Variants in DNER observed in about 807,000 individuals in gnomAD.
The protein encoded by DNER is delta/notch like EGF repeat containing.
Under a neutral mutation model 78.2 loss-of-function variants are expected in DNER, and 33 were observed. The observed-to-expected ratio is 0.42, with a 90% confidence interval of 0.32 to 0.56. The LOEUF is 0.56. Among genes scored for constraint, DNER ranks in the 20% least tolerant of loss-of-function variants. The probability of loss-of-function intolerance (pLI) is 0.11; values close to 1 mark genes in which losing one functional copy is unlikely to be tolerated. For synonymous variants in DNER, 417 were observed against 384.8 expected, an observed-to-expected ratio of 1.08 and a Z score of -0.98; for missense variants, 918 against 975.3, an observed-to-expected ratio of 0.94 and a Z score of 0.78.
At chr2:229,640,203 G>A (rs1018694822) in intron 1 of DNER, among the ~76,000 whole-genome samples, 6 of 152,332 alleles carry the variant, frequency 3.9e-5, no homozygotes, top group Admixed American at 6.5e-5. Context: ...GTGTGCTTTC[G>A]TGAAGTAAAG....
intron 1 of DNER, among the ~76,000 whole-genome samples, chr2:229,654,369 A>G (rs989431076): frequency 6.6e-6 from 1 of 152,220 alleles, no homozygotes; most frequent in Non-Finnish European, 1.5e-5. Context: ...TTGCGGCACT[A>G]TTCACAATAG....
intron 7 of DNER, among the ~76,000 whole-genome samples, chr2:229,460,100 T>C (rs1694661825): frequency 1.5e-5 from 2 of 129,168 alleles, no homozygotes; most frequent in South Asian, 2.4e-4. Flanking sequence ...GAGCTTGCAG[T>C]GAGCAGAGAT....
intron 1 of DNER, among the ~76,000 whole-genome samples, chr2:229,616,107 T>C (rs932813222): frequency 6.6e-5 from 10 of 152,252 alleles, no homozygotes; most frequent in Non-Finnish European, 1.5e-4. Flanking sequence ...TAAATTAATA[T>C]AATGTGGTAG....
intron 7 of DNER, among the ~76,000 whole-genome samples, chr2:229,464,892 T>A (rs925323851): frequency 6.6e-6 from 1 of 152,156 alleles, no homozygotes; most frequent in African/African-American, 2.4e-5. Context: ...GGTGAATGAA[T>A]GGCTTCCGCC....
intron 1 of DNER, among the ~76,000 whole-genome samples, chr2:229,614,161 A>G (rs1698108209): frequency 6.6e-6 from 1 of 151,946 alleles, no homozygotes; most frequent in Non-Finnish European, 1.5e-5. Context: ...CATGTACCCT[A>G]AAACTTAAAG....
chr2:229,673,991 C>T (rs1699255791), intron 1 of DNER, among the ~76,000 whole-genome samples: 1 of 152,220 alleles, frequency 6.6e-6, no homozygotes, highest in Admixed American at 6.5e-5. Flanking sequence ...CCTTGCAGGT[C>T]ACTGCACACT....
intron 1 of DNER, among the ~76,000 whole-genome samples, chr2:229,673,475 T>C (rs1699245775): frequency 6.6e-6 from 1 of 152,158 alleles, no homozygotes; most frequent in Admixed American, 6.5e-5. Context: ...ATATACCTTG[T>C]TCTTCAGAGT....
intron 1 of DNER, among the ~76,000 whole-genome samples, chr2:229,687,164 A>C (rs1485236479): frequency 6.6e-6 from 1 of 152,192 alleles, no homozygotes; most frequent in East Asian, 1.9e-4. Context: ...TTATTTAAAC[A>C]TTCTCCTATT....
chr2:229,646,116 T>C (rs1232767930), intron 1 of DNER, among the ~76,000 whole-genome samples: 1 of 152,210 alleles, frequency 6.6e-6, no homozygotes, highest in Non-Finnish European at 1.5e-5. Flanking sequence ...TTTCTCTCCT[T>C]TCCATGCCTT....
intron 12 of DNER, among the ~76,000 whole-genome samples, chr2:229,365,190 G>A (rs1387347783): frequency 6.6e-6 from 1 of 152,142 alleles, no homozygotes; most frequent in Non-Finnish European, 1.5e-5. Context: ...AAATCTCAGT[G>A]AAGAAGGGCA....
chr2:229,581,423 A>G (rs1423537716), intron 4 of DNER, among the ~76,000 whole-genome samples: 2 of 152,172 alleles, frequency 1.3e-5, no homozygotes, highest in Non-Finnish European at 2.9e-5. Flanking sequence ...AGGCTAATTT[A>G]GATATTTACC....
rs143735189 is a variant in DNER at position 229,506,095 on chromosome 2, T to G, written c.1147+6688A>C. The stretch of plus-strand genomic sequence containing the variant: ...AGCAACCACCAAACTGTTTTGGGGT[T>G]GTATTAGTCTGTTCTCATGCTGCTA... On this transcript the variant is annotated intron_variant, in intron 6 of 12. Coordinates refer to ENST00000341772, the MANE Select transcript of DNER (RefSeq NM_139072.4). Among the ~76,000 whole-genome samples, 1,105 of 152,334 alleles carry G rather than the reference T, an allele frequency of 7.3e-3. 5 individuals carry two copies. Among genetic ancestry groups the G allele is most frequent in the East Asian group, 0.032 (167 of 5,186 alleles).
chr2:229,542,251 A>T (rs1253248636), intron 5 of DNER, among the ~76,000 whole-genome samples: 2 of 152,026 alleles, frequency 1.3e-5, no homozygotes, highest in Non-Finnish European at 2.9e-5. Flanking sequence ...GCTTTTTTTA[A>T]GCAGAAGGAA....
Position 229,591,643 on chromosome 2 carries a change from T to A in DNER, c.522A>T (p.Thr174=), listed in dbSNP as rs750483128. The stretch of plus-strand genomic sequence containing the variant: ...CTGTTTTCGGCTGCCAGGTAGGCAG[T>A]GTCACCGTTGCCTGAGAGCGAGGCA... ...KILPRSQATV[T]LPTWQPKTGQ... is the part of the protein sequence containing the mutation. Residue 174 remains threonine, a synonymous_variant, in exon 2 of 13, where the codon ACA becomes ACT. Coordinates refer to ENST00000341772, the MANE Select transcript of DNER (RefSeq NM_139072.4). This position sits in a 1 kb window ranked among gnomAD's most constrained non-coding sequence, Gnocchi z 4.6. The A allele has an allele frequency of 1.2e-6, 2 of 1,614,210 alleles. No homozygotes were observed. Among genetic ancestry groups the A allele is most frequent in the Non-Finnish European group, 1.7e-6 (2 of 1,180,028 alleles).
rs1277974622 is a variant in DNER, at chr2:229,512,889, A to C, written c.1041T>G (p.Cys347Trp). Residue 347 changes from cysteine to tryptophan, a missense_variant, in exon 6 of 13, where the codon TGT (cysteine) becomes TGG (tryptophan). Cys to Trp is a radical substitution (Grantham distance 215, BLOSUM62 -2). Coordinates refer to ENST00000341772, the MANE Select transcript of DNER (RefSeq NM_139072.4). ...TCCTCTGGCAAGCATCGTATTCTTC[A>C]CAGAAAGTACCCACGTACTGCTCCT... ...TCEEQYVGTF[C>W]EEYDACQRKP... 6.2e-7 allele frequency: 1 copy of C among 1,614,126 alleles called. No individual in the cohort carries two copies. The highest frequency in any genetic ancestry group is 1.3e-5 in the African/African-American group (1 of 75,026).
At chr2:229,700,796 C>T (rs1183548542) in intron 1 of DNER, among the ~76,000 whole-genome samples, 1 of 151,540 alleles carries the variant, frequency 6.6e-6, no homozygotes, top group African/African-American at 2.4e-5. Context: ...TGGCACACAC[C>T]TGTAGTCCCA....
intron 1 of DNER, among the ~76,000 whole-genome samples, chr2:229,664,692 G>A (rs1363656720): frequency 6.6e-6 from 1 of 152,054 alleles, no homozygotes; most frequent in African/African-American, 2.4e-5. Flanking sequence ...CCTTAAGCTG[G>A]TAATCAGGGA....
intron 11 of DNER, among the ~76,000 whole-genome samples, chr2:229,381,369 G>T (rs1228360148): frequency 6.6e-6 from 1 of 152,164 alleles, no homozygotes; most frequent in Non-Finnish European, 1.5e-5. Flanking sequence ...CACTGAGCTA[G>T]CTGCAGGAGT....
At chr2:229,596,217 T>C (rs1697711763) in intron 1 of DNER, among the ~76,000 whole-genome samples, 1 of 152,218 alleles carries the variant, frequency 6.6e-6, no homozygotes, top group Non-Finnish European at 1.5e-5. Flanking sequence ...AATGATGTTA[T>C]ATACACGCAG....
Sources: allele counts gnomAD v4.1 joint callset (sites outside exome capture counted in the v4.1 genomes callset), GRCh38; gene constraint gnomAD v4.1.1; non-coding constraint Gnocchi (gnomAD v3.1); transcripts MANE v1.5; gene names NCBI Gene and HGNC (gene_info 2026-07-23, HGNC 2026-07-21).